The following CHD4 variants were observed in gnomAD, a reference collection of about 807,000 sequenced individuals.
The protein encoded by CHD4 is ATP-dependent chromatin remodeler CHD4.
In CHD4, 35 loss-of-function variants were observed where a neutral mutation model predicts 235.5. That is an observed-to-expected ratio of 0.15 (90% CI 0.11 to 0.20). The LOEUF is 0.20. Ranked by LOEUF, CHD4 falls within the 10% of genes least tolerant of loss-of-function variation. The pLI is 1.00. For synonymous variants in CHD4, 900 were observed against 850.2 expected (o/e 1.06, Z -1.02); for missense variants, 1,329 against 2,432.3 (o/e 0.55, Z 9.54).
At chr12:6,586,462 C>A (rs1175357942) in intron 25 of CHD4, among the ~76,000 whole-genome samples, 1 of 151,978 alleles carries the variant, frequency 6.6e-6, no homozygotes, top group Non-Finnish European at 1.5e-5. Context: ...TGGTGGCTAA[C>A]ACCTGTAATT....
At position 6,593,359 on chromosome 12, in the gene CHD4, A is replaced by G; in HGVS notation, c.2514+57T>C. 2 of 1,603,410 alleles carry G rather than the reference A, an allele frequency of 1.2e-6. No homozygotes were observed. The highest frequency in any genetic ancestry group is 1.1e-5 in the South Asian group (1 of 90,546). On this transcript the variant is annotated intron_variant, in intron 16 of 39. Transcript: ENST00000544040. This position sits in a 1 kb window ranked among gnomAD's most constrained non-coding sequence, Gnocchi z 4.9. ...ACCAGGGACCAGATCACAAGGAGGT[A>G]AACTAAGCCAGAAGCCACAACTCTT...
At chr12:6,596,232 C>T in intron 12 of CHD4, 95 bp from the exon 13 acceptor site, 1 of 1,488,734 alleles carries the variant, frequency 6.7e-7, no homozygotes, top group Admixed American at 1.9e-5. Context: ...TCACACCAGA[C>T]CTCTAGGTAT....
intron 38 of CHD4, chr12:6,571,705 A>AATC (rs1214079360): frequency 6.8e-6 from 1 of 146,212 alleles, no homozygotes; most frequent in Non-Finnish European, 1.5e-5. Flanking sequence ...TCATGCCTAT[A>AATC]ATCCCAGCAC....
intron 13 of CHD4, among the ~76,000 whole-genome samples, chr12:6,595,788 CAAAA>C (rs141382153): frequency 3.6e-5 from 3 of 82,520 alleles, no homozygotes. Flanking sequence ...GACTTCGTCT[CAAAA>C]AAAAAAAAAA....
At chr12:6,601,601 G>C in intron 5 of CHD4, 47 bp downstream of exon 5, 2 of 1,613,278 alleles carry the variant, frequency 1.2e-6, no homozygotes, top group African/African-American at 1.3e-5. Flanking sequence ...TAAGAAGAGA[G>C]AACAGAAAGA....
Position 6,593,037 on chromosome 12 carries a change from A to G in CHD4, c.2652+54T>C, listed in dbSNP as rs1948427898. ...CAAGTTTTCCCCTTAATGAATTGGT[A>G]GTACTAGAAAAAACCCAAAGTGGGG... On this transcript the variant is annotated intron_variant, in intron 17 of 39. Transcript: ENST00000544040. This position sits in a 1 kb window ranked among gnomAD's most constrained non-coding sequence, Gnocchi z 4.9. 5 of 1,601,614 alleles carry G rather than the reference A, an allele frequency of 3.1e-6. No individual in the cohort carries two copies. The highest frequency in any genetic ancestry group is 1.7e-5 in the Admixed American group (1 of 59,100).
chr12:6,597,696 G>A (rs1283101409), intron 12 of CHD4, among the ~76,000 whole-genome samples, 198 bp downstream of exon 12: 1 of 151,394 alleles, frequency 6.6e-6, no homozygotes, highest in Non-Finnish European at 1.5e-5. Context: ...AATCTGGGAG[G>A]CAGAGGTTGC....
chr12:6,596,092 G>T lies in CHD4; in HGVS notation c.1938C>A (p.Asp646Glu), dbSNP rs1303850591. ...GHVHYLIKWR[D>E]LPYDQASWES... ...CCCAAGAAGCCTGATCGTAAGGTAA[G>T]TCCCGCCACTTGATCAAGTAGTGGA... The change falls in exon 13 of 40, where the codon GAC becomes GAA. Residue 646 changes from aspartate to glutamate, a missense_variant. Physicochemically the swap from Asp to Glu is conservative, Grantham distance 45. This residue lies in a region of CHD4 where 121 missense variants were observed against 177.8 expected (regional missense o/e 0.68). Coordinates refer to ENST00000544040, the MANE Select transcript of CHD4 (RefSeq NM_001273.5). 6.2e-7 allele frequency: 1 copy of T among 1,613,992 alleles called. No individual in the cohort carries two copies. Among genetic ancestry groups the T allele is most frequent in the Admixed American group, 1.7e-5 (1 of 59,992 alleles).
rs370190894 is a variant in CHD4, at chr12:6,593,530, G to A, written c.2400C>T (p.Asp800=). 1.1e-5 allele frequency: 18 copies of A among 1,614,026 alleles called. No individual in the cohort carries two copies. The highest frequency in any genetic ancestry group is 3.3e-4 in the Middle Eastern group (2 of 6,084). The stretch of plus-strand genomic sequence containing the variant: ...CACCCACATAGGTTACGACATACAT[G>A]TCTGGAGCCCACATTTCAAACTCCC... The part of the protein sequence containing the change: ...WEREFEMWAP[D]MYVVTYVGDK... Residue 800 remains aspartate, a synonymous_variant, in exon 16 of 40, where the codon GAC becomes GAT. Transcript: ENST00000544040. This position sits in a 1 kb window ranked among gnomAD's most constrained non-coding sequence, Gnocchi z 4.9.
At position 6,606,318 on chromosome 12, in the gene CHD4, T is replaced by C. The variant is rs774282876; in HGVS notation, c.56A>G (p.Asp19Gly). Residue 19 changes from aspartate (D) to glycine (G), a missense_variant, in exon 2 of 40, where the codon GAT (aspartate) becomes GGT (glycine). Around this residue, in one of 26 missense-constraint regions of CHD4, gnomAD observed 213 missense variants for 177.5 expected, o/e 1.20. Transcript: ENST00000544040. ...SPCSAGSEEE[D>G]MDALLNNSLP... Reference sequence around the variant, plus strand: ...GCTGTTGTTCAAAAGTGCATCCATATCCTCCTCCTCACTGCCCGCCGAGCA... The same window carrying C: ...GCTGTTGTTCAAAAGTGCATCCATACCCTCCTCCTCACTGCCCGCCGAGCA... The C allele has an allele frequency of 6.4e-7, 1 of 1,574,644 alleles. No homozygotes were observed. The highest frequency in any genetic ancestry group is 8.6e-7 in the Non-Finnish European group (1 of 1,162,874).
Position 6,582,272 on chromosome 12 carries a change from G to A in CHD4, c.4380C>T (p.Val1460=), listed in dbSNP as rs370369438. The change falls in exon 30 of 40, where the codon GTC becomes GTT. Residue 1460 remains valine (V), a synonymous_variant. Coordinates refer to ENST00000544040, the MANE Select transcript of CHD4 (RefSeq NM_001273.5). ...CACATAAATGCCGCATGAAAAGAGA[G>A]ACATATGCCCTGTGTAAAGAAGTAG... ...GKSEKEFKAY[V]SLFMRHLCEP... is the part of the protein sequence containing the mutation. The A allele has an allele frequency of 5.5e-5, 88 of 1,587,218 alleles. No individual in the cohort carries two copies. Among genetic ancestry groups the A allele is most frequent in the South Asian group, 6.8e-5 (6 of 88,778 alleles).
chr12:6,605,303 G>A (rs1046792851), intron 2 of CHD4, among the ~76,000 whole-genome samples: 1 of 152,152 alleles, frequency 6.6e-6, no homozygotes, highest in Non-Finnish European at 1.5e-5. Flanking sequence ...AATTAAACTA[G>A]AAAACATGAA....
At chr12:6,590,659 A>G (rs982887443) in intron 22 of CHD4, among the ~76,000 whole-genome samples, 15 of 152,126 alleles carry the variant, frequency 9.9e-5, no homozygotes, top group Non-Finnish European at 1.0e-4. Flanking sequence ...TCTCTACAAA[A>G]AAATTTTTTT....
chr12:6,601,380 C>T lies in CHD4; in HGVS notation c.708G>A (p.Val236=). 1 of 1,614,158 alleles carries T rather than the reference C, an allele frequency of 6.2e-7. No homozygotes were observed. Among genetic ancestry groups the T allele is most frequent in the East Asian group, 2.2e-5 (1 of 44,874 alleles). The change falls in exon 6 of 40, where the codon GTG becomes GTA. Residue 236 remains valine (V), a synonymous_variant. Transcript: ENST00000544040. ...CAGTGGCTGTCACCATGCTCTCCAC[C>T]ACAGCTACCGCTGCTGCTGCCGCAG... The part of the protein sequence containing the change: ...VAAAAAAAVA[V]VESMVTATEV...
chr12:6,596,708 G>A (rs1948503866), intron 12 of CHD4, among the ~76,000 whole-genome samples: 1 of 152,096 alleles, frequency 6.6e-6, no homozygotes, highest in South Asian at 2.1e-4. Flanking sequence ...GCTGAAGCAG[G>A]AGAATTGCTT....
Position 6,591,682 on chromosome 12 carries a change from T to A in CHD4, c.3222+12A>T. 1 of 1,614,136 alleles carries A rather than the reference T, an allele frequency of 6.2e-7. No individual in the cohort carries two copies. Among genetic ancestry groups the A allele is most frequent in the African/African-American group, 1.3e-5 (1 of 75,018 alleles). On this transcript the variant is annotated intron_variant, in intron 21 of 39. Transcript: ENST00000544040. Reference sequence around the variant, plus strand: ...TATGACTGTTCCCTAAAGCTCCCAGTCCACATGATACCTGGGAAAAGATGA... The same window carrying A: ...TATGACTGTTCCCTAAAGCTCCCAGACCACATGATACCTGGGAAAAGATGA...
At position 6,581,664 on chromosome 12, in the gene CHD4, G is replaced by A; in HGVS notation, c.4666C>T (p.Pro1556Ser). The A allele has an allele frequency of 6.2e-7, 1 of 1,613,066 alleles. No individual in the cohort carries two copies. Among genetic ancestry groups the A allele is most frequent in the Non-Finnish European group, 8.5e-7 (1 of 1,179,262 alleles). ...PGDTQPNTPA[P>S]VPPAEDGIKI... ...GCAGACTTACCAGCAGGTGGGACAG[G>A]TGCAGGAGTGTTGGGCTGCGTGTCC... The change falls in exon 31 of 40, where the codon CCT becomes TCT. Residue 1556 changes from proline to serine, a missense_variant. Physicochemically the swap from Pro to Ser is moderately conservative, Grantham distance 74. Around this residue, in one of 26 missense-constraint regions of CHD4, gnomAD observed 219 missense variants for 219.3 expected, o/e 1.00. Transcript: ENST00000544040.
chr12:6,586,647 A>T (rs952307543), intron 25 of CHD4, among the ~76,000 whole-genome samples: 7 of 151,720 alleles, frequency 4.6e-5, no homozygotes, highest in African/African-American at 1.5e-4. Flanking sequence ...CTCAGCTATG[A>T]TTGTGCCACT....
intron 14 of CHD4, among the ~76,000 whole-genome samples, chr12:6,594,986 C>T (rs1328774951): frequency 6.6e-6 from 1 of 152,020 alleles, no homozygotes; most frequent in South Asian, 2.1e-4. Flanking sequence ...CTTTAATCAC[C>T]CTCAAATTAC....
Sources: gnomAD v4.1 joint callset for allele counts (sites outside exome capture counted in the v4.1 genomes callset) on GRCh38, gnomAD v4.1.1 for gene constraint, gnomAD v4.1.1 regional missense constraint, Gnocchi (gnomAD v3.1) non-coding constraint, MANE v1.5 for transcripts, NCBI Gene and HGNC (gene_info 2026-07-23, HGNC 2026-07-21) for gene names.